Variants in RNF216 observed in about 807,000 individuals in gnomAD.
RNF216 encodes the protein ring finger protein 216.
Under a neutral mutation model 110.8 loss-of-function variants are expected in RNF216, and 72 were observed. The observed-to-expected ratio is 0.65, with a 90% CI of 0.54 to 0.79. The LOEUF (loss-of-function observed/expected upper bound fraction) is 0.79, where lower values mean the gene tolerates loss of function less well. RNF216 is among the 30% of genes least tolerant of loss of function. RNF216 has a pLI of 0.00. For missense variants in RNF216, 1,342 were observed against 1,141.2 expected (o/e 1.18, Z -2.54); for synonymous variants, 495 against 407.5 (o/e 1.21, Z -2.59).
intron 2 of RNF216, 82 bp from the exon 3 acceptor site, chr7:5,753,061 A>G (rs928551536): frequency 1.4e-6 from 2 of 1,436,898 alleles, no homozygotes; most frequent in South Asian, 1.4e-5. Context: ...ACAGGGGTAC[A>G]GCCTAAAGCC....
intron 9 of RNF216, among the ~76,000 whole-genome samples, chr7:5,718,319 T>G (rs945573538): frequency 6.6e-6 from 1 of 152,030 alleles, no homozygotes; most frequent in Non-Finnish European, 1.5e-5. Context: ...AGTCAGACGT[T>G]GCAGTGAGCC....
intron 5 of RNF216, among the ~76,000 whole-genome samples, chr7:5,738,210 A>G (rs1584542943): frequency 6.6e-6 from 1 of 151,996 alleles, no homozygotes; most frequent in Non-Finnish European, 1.5e-5. Flanking sequence ...TTAAAAAAGC[A>G]TATTTACCAC....
At chr7:5,627,391 A>G (rs1407480093) in intron 15 of RNF216, among the ~76,000 whole-genome samples, 1 of 152,142 alleles carries the variant, frequency 6.6e-6, no homozygotes, top group Non-Finnish European at 1.5e-5. Context: ...CGTCTCTGCT[A>G]TGAGCAACGT....
intron 1 of RNF216, among the ~76,000 whole-genome samples, chr7:5,770,242 G>A (rs1441064017): frequency 1.3e-5 from 2 of 150,764 alleles, no homozygotes; most frequent in Non-Finnish European, 1.5e-5. Flanking sequence ...TGGGCGGATC[G>A]CCTGAGGTGG....
chr7:5,675,485 T>A (rs375838375), intron 13 of RNF216, among the ~76,000 whole-genome samples: 7 of 151,856 alleles, frequency 4.6e-5, no homozygotes, highest in African/African-American at 7.2e-5. Flanking sequence ...AAAATAAATT[T>A]AAAAAAATTA....
Position 5,620,708 on chromosome 7 carries a change from T to C in RNF216, c.*2152A>G, listed in dbSNP as rs938792513. ...TTTGGCCTTAGGAGAAACATCACTCTGGGCTCCCCCTCCCCTGCCAGGGTT... is the reference window on the plus strand; with the variant it reads ...TTTGGCCTTAGGAGAAACATCACTCCGGGCTCCCCCTCCCCTGCCAGGGTT... On this transcript the variant is annotated 3_prime_UTR_variant, in exon 17 of 17. Transcript: ENST00000389902. The C allele has an allele frequency of 6.6e-6, 1 of 152,394 alleles. No homozygotes were observed. Among genetic ancestry groups the C allele is most frequent in the Non-Finnish European group, 1.5e-5 (1 of 68,178 alleles). 9.4% of individuals were successfully genotyped at this position (152,394 alleles called of 1,614,324 possible). A position where few individuals can be genotyped will look rare whatever the true frequency, so the allele number is the denominator to read the frequency against.
chr7:5,776,899 C>CAAAAA (rs754872404), intron 1 of RNF216, among the ~76,000 whole-genome samples: 1 of 83,572 alleles, frequency 1.2e-5, no homozygotes, highest in Non-Finnish European at 2.1e-5. Context: ...AGACTCTGTC[C>CAAAAA]AAAAAAAAAA....
At position 5,741,711 on chromosome 7, in the gene RNF216, TG is replaced by T; in HGVS notation, c.305del (p.Ala102AspfsTer111). On this transcript the variant is annotated frameshift_variant, in exon 4 of 17. Coordinates refer to ENST00000389902, the MANE Select transcript of RNF216 (RefSeq NM_207111.4). LOFTEE classifies it high-confidence loss of function. ...GEERPKKSRA[A>X]FESDKSSYFS... ...AATAGCTGCTCTTATCTGATTCAAA[TG>T]CTGCTCTAGACTTTTTAGGCCTTTC... The T allele has an allele frequency of 6.2e-7, 1 of 1,614,240 alleles. No individual in the cohort carries two copies. The highest frequency in any genetic ancestry group is 8.5e-7 in the Non-Finnish European group (1 of 1,180,044).
At chr7:5,677,505 A>T (rs941840792) in intron 13 of RNF216, among the ~76,000 whole-genome samples, 1 of 152,264 alleles carries the variant, frequency 6.6e-6, no homozygotes, top group African/African-American at 2.4e-5. Context: ...TCGAAAGGCC[A>T]CTTATATGGC....
chr7:5,649,229 T>C (rs59691320), intron 14 of RNF216, among the ~76,000 whole-genome samples: 2,487 of 151,746 alleles, frequency 0.016, 64 homozygotes, highest in African/African-American at 0.058. Context: ...CCATCTCTAC[T>C]AAAAATCCAA....
rs777676348 is a variant in RNF216, at chr7:5,622,932, G to A, written c.2700C>T (p.Phe900=). Reference sequence around the variant, plus strand: ...GCTCCAGGGGCATGTGGATGGGACCGAAGTCATAGTTGACCCGCACGTTGG... The same window carrying A: ...GCTCCAGGGGCATGTGGATGGGACCAAAGTCATAGTTGACCCGCACGTTGG... ...PLPNVRVNYD[F]GPIHMPLEHN... The change falls in exon 17 of 17, where the codon TTC becomes TTT. Residue 900 remains phenylalanine (F), a synonymous_variant. Transcript: ENST00000389902. 2.4e-5 allele frequency: 39 copies of A among 1,613,850 alleles called. 1 individual carries two copies. The highest frequency in any genetic ancestry group is 6.6e-5 in the South Asian group (6 of 91,078).
chr7:5,639,141 C>T (rs1013218434), intron 15 of RNF216, among the ~76,000 whole-genome samples: 2 of 152,280 alleles, frequency 1.3e-5, no homozygotes, highest in Admixed American at 6.5e-5. Context: ...CAGAAGTGAC[C>T]TGTTGCAGCT....
chr7:5,747,199 T>A (rs753205837), intron 3 of RNF216, among the ~76,000 whole-genome samples: 1 of 152,212 alleles, frequency 6.6e-6, no homozygotes, highest in Non-Finnish European at 1.5e-5. Context: ...CTGACTTACA[T>A]GCTACGGATA....
chr7:5,688,281 A>C (rs1791110936), intron 13 of RNF216, among the ~76,000 whole-genome samples: 1 of 152,254 alleles, frequency 6.6e-6, no homozygotes, highest in Non-Finnish European at 1.5e-5. Flanking sequence ...AATTGAGCCA[A>C]GGTAAAACCT....
At chr7:5,661,664 G>A (rs866346758) in intron 13 of RNF216, among the ~76,000 whole-genome samples, 2 of 152,068 alleles carry the variant, frequency 1.3e-5, no homozygotes, top group African/African-American at 4.8e-5. Flanking sequence ...TTAGCCAGGC[G>A]TGGTGGTGCA....
intron 13 of RNF216, among the ~76,000 whole-genome samples, chr7:5,699,476 C>T (rs1474120666): frequency 6.6e-6 from 1 of 152,194 alleles, no homozygotes; most frequent in Non-Finnish European, 1.5e-5. Flanking sequence ...TGATGCCAAA[C>T]TCCCTGCTCA....
chr7:5,723,696 C>G (rs555024685), intron 8 of RNF216, among the ~76,000 whole-genome samples: 1 of 152,212 alleles, frequency 6.6e-6, no homozygotes, highest in Admixed American at 6.5e-5. Context: ...AAACTTCCCT[C>G]TAATGTATTT....
At chr7:5,691,697 G>C (rs921377100) in intron 13 of RNF216, among the ~76,000 whole-genome samples, 1 of 152,208 alleles carries the variant, frequency 6.6e-6, no homozygotes, top group Non-Finnish European at 1.5e-5. Context: ...TGGACACATG[G>C]TTCTGGCCAC....
chr7:5,623,228 A>G (rs374288672), intron 16 of RNF216, 49 bp from the exon 17 acceptor site: 108 of 1,496,832 alleles, frequency 7.2e-5, no homozygotes, highest in Non-Finnish European at 8.4e-5. Flanking sequence ...ACCAACCTCA[A>G]TGGAATCTAG....
Sources: allele counts gnomAD v4.1 joint callset (sites outside exome capture counted in the v4.1 genomes callset), GRCh38; gene constraint gnomAD v4.1.1; transcripts MANE v1.5; gene names NCBI Gene and HGNC (gene_info 2026-07-23, HGNC 2026-07-21).